Variants in CNTNAP3B observed in about 807,000 individuals in gnomAD.
CNTNAP3B encodes contactin-associated protein-like 3B.
In CNTNAP3B, 25 loss-of-function variants were observed where a neutral mutation model predicts 108.9. The observed-to-expected ratio is 0.23, with a 90% CI of 0.17 to 0.32. CNTNAP3B has a LOEUF of 0.32. Ranked by LOEUF, CNTNAP3B falls within the 10% of genes least tolerant of loss-of-function variation. The pLI is 1.00. For synonymous variants in CNTNAP3B, 103 were observed against 473.4 expected (o/e 0.22, Z 10.16); for missense variants, 252 against 1,210.4 (o/e 0.21, Z 11.75).
chr9:41,925,073 G>C (rs911921945), intron 15 of CNTNAP3B, among the ~76,000 whole-genome samples: 8 of 152,002 alleles, frequency 5.3e-5, no homozygotes, highest in Non-Finnish European at 1.0e-4. Context: ...AGTGGCATTT[G>C]TCCAGTTTCT....
At chr9:41,944,265 A>T (rs1824455065) in intron 13 of CNTNAP3B, among the ~76,000 whole-genome samples, 1 of 148,742 alleles carries the variant, frequency 6.7e-6, no homozygotes, top group African/African-American at 2.5e-5. Context: ...AGCATTAGAG[A>T]AGAAAAAAAT....
At chr9:41,990,752 A>G (rs1825790871) in intron 8 of CNTNAP3B, among the ~76,000 whole-genome samples, 1 of 134,144 alleles carries the variant, frequency 7.5e-6, no homozygotes, top group African/African-American at 3.0e-5. Context: ...CCATCTGCAA[A>G]TCCAATCATC....
In CNTNAP3B at chr9:42,126,927, G is replaced by T. The variant is rs1828584370; in HGVS notation, c.85+2083C>A. Among the ~76,000 whole-genome samples the T allele has an allele frequency of 1.4e-5, 2 of 138,168 alleles. 1 individual carries two copies. Among genetic ancestry groups the T allele is most frequent in the Non-Finnish European group, 3.1e-5 (2 of 64,662 alleles). The allele number at this position is 138,168 out of a possible 152,430, so 90.6% of individuals were successfully genotyped here. A position where few individuals can be genotyped will look rare whatever the true frequency, so the allele number is the denominator to read the frequency against. On this transcript the variant is annotated intron_variant, in intron 1 of 23. Transcript: ENST00000377561. ...GCCATCATCAACAGGCTGCCTTCGT[G>T]GGTGGCCAATGTGCTTCTGGAAAAC...
intron 1 of CNTNAP3B, among the ~76,000 whole-genome samples, chr9:42,120,071 A>T (rs1349402116): frequency 6.6e-6 from 1 of 150,564 alleles, no homozygotes; most frequent in East Asian, 1.9e-4. Flanking sequence ...TTTGCAACCT[A>T]CTCATCTGAC....
At chr9:41,927,529 A>AGGAGAGAAAGAGGGAG (rs1823855005) in intron 15 of CNTNAP3B, among the ~76,000 whole-genome samples, 1 of 148,314 alleles carries the variant, frequency 6.7e-6, no homozygotes, top group Non-Finnish European at 1.5e-5. Context: ...GAGGAAGGGA[A>AGGAGAGAAAGAGGGAG]GGAGAGAAAG....
rs1371189358 is a variant in CNTNAP3B at position 42,126,651 on chromosome 9, C to G, written c.85+2359G>C. Among the ~76,000 whole-genome samples, 12 of 135,298 alleles carry G rather than the reference C, an allele frequency of 8.9e-5. 1 individual carries two copies. Among genetic ancestry groups the G allele is most frequent in the Admixed American group, 8.9e-4 (12 of 13,556 alleles). The allele number at this position is 135,298 out of a possible 152,430, so 88.8% of individuals were successfully genotyped here. ...ATGGTGGGATCTCGGCTCACTGCAA[C>G]CTCCACCTCCCAGGTTCAAGCGATT... On this transcript the variant is annotated intron_variant, in intron 1 of 23. Transcript: ENST00000377561.
chr9:41,966,186 C>T (rs1371332134), intron 10 of CNTNAP3B, among the ~76,000 whole-genome samples: 1 of 152,182 alleles, frequency 6.6e-6, no homozygotes, highest in Non-Finnish European at 1.5e-5. Context: ...CCACATCCTT[C>T]TCCCCCTCCT....
chr9:41,943,856 G>A (rs1472221955), intron 13 of CNTNAP3B, among the ~76,000 whole-genome samples: 2 of 152,386 alleles, frequency 1.3e-5, no homozygotes, highest in African/African-American at 2.4e-5. Context: ...CCACACCTAG[G>A]CATCTCATAT....
intron 15 of CNTNAP3B, among the ~76,000 whole-genome samples, chr9:41,927,843 T>C (rs1381190377): frequency 3.3e-5 from 5 of 150,822 alleles, no homozygotes; most frequent in Non-Finnish European, 4.4e-5. Context: ...AATAATCATA[T>C]TGAATGCATA....
At chr9:42,047,076 C>T (rs917158820) in intron 3 of CNTNAP3B, among the ~76,000 whole-genome samples, 1 of 82,856 alleles carries the variant, frequency 1.2e-5, no homozygotes, top group Non-Finnish European at 2.4e-5. Context: ...TACTGTATTA[C>T]ATTTTAAAAT....
At chr9:41,928,071 A>T (rs1456654220) in intron 15 of CNTNAP3B, among the ~76,000 whole-genome samples, 2 of 152,242 alleles carry the variant, frequency 1.3e-5, no homozygotes, top group Admixed American at 6.5e-5. Flanking sequence ...ATTAACGCTA[A>T]GGCATATTCT....
At chr9:42,030,813 G>GA (rs1156882673) in intron 3 of CNTNAP3B, among the ~76,000 whole-genome samples, 1,500 of 65,754 alleles carry the variant, frequency 0.023, 207 homozygotes, top group South Asian at 0.059. Context: ...GAGAGAGAGA[G>GA]GAGAGAGAGA....
chr9:41,935,484 T>C (rs1316145703), intron 14 of CNTNAP3B, among the ~76,000 whole-genome samples: 2 of 152,288 alleles, frequency 1.3e-5, no homozygotes, highest in Non-Finnish European at 2.9e-5. Flanking sequence ...TTTATGTTCT[T>C]ATGTCTACAC....
chr9:42,055,356 C>G (rs1827046114), intron 3 of CNTNAP3B, among the ~76,000 whole-genome samples: 1 of 138,102 alleles, frequency 7.2e-6, no homozygotes, highest in Non-Finnish European at 1.5e-5. Flanking sequence ...TTACCTTATT[C>G]TTTGATTTTA....
intron 2 of CNTNAP3B, among the ~76,000 whole-genome samples, chr9:42,086,506 G>A (rs1350424484): frequency 2.2e-5 from 3 of 133,604 alleles, no homozygotes; most frequent in South Asian, 2.4e-4. Flanking sequence ...AAGATTCAAT[G>A]CAATCTCAGC....
At chr9:41,928,056 GAAT>G (rs1338632249) in intron 15 of CNTNAP3B, among the ~76,000 whole-genome samples, 1 of 152,146 alleles carries the variant, frequency 6.6e-6, no homozygotes, top group Non-Finnish European at 1.5e-5. Flanking sequence ...AAAAATAACA[GAAT>G]AATTAACGCT....
intron 10 of CNTNAP3B, among the ~76,000 whole-genome samples, chr9:41,967,767 C>T (rs1380741957): frequency 6.6e-6 from 1 of 152,398 alleles, no homozygotes; most frequent in Non-Finnish European, 1.5e-5. Context: ...CTCAGAGGAG[C>T]TAGTCTTCTA....
intron 14 of CNTNAP3B, among the ~76,000 whole-genome samples, chr9:41,932,506 A>AACTTTTT (rs1824007539): frequency 6.7e-6 from 1 of 149,554 alleles, no homozygotes; most frequent in Non-Finnish European, 1.5e-5. Flanking sequence ...TCAACTTTTT[A>AACTTTTT]ACTTTTTTTT....
At position 41,949,113 on chromosome 9, in the gene CNTNAP3B, CAT is replaced by C. The variant is rs1285452189; in HGVS notation, c.2080+4068_2080+4069del. On this transcript the variant is annotated intron_variant, in intron 13 of 23. Coordinates refer to ENST00000377561, the MANE Select transcript of CNTNAP3B (RefSeq NM_001201380.3). Reference sequence around the variant, plus strand: ...TCATATTTCATATTCTAACAAGAAACATATGTAAACAAAAATTTAAAGCACAA... The same window carrying C: ...TCATATTTCATATTCTAACAAGAAACATGTAAACAAAAATTTAAAGCACAA... Among the ~76,000 whole-genome samples the C allele has an allele frequency of 4.4e-5, 4 of 90,324 alleles. 1 individual carries two copies. The highest frequency in any genetic ancestry group is 1.7e-4 in the African/African-American group (4 of 23,640). The allele number at this position is 90,324 out of a possible 152,430, so 59.3% of individuals were successfully genotyped here.
Sources: allele counts gnomAD v4.1 joint callset (sites outside exome capture counted in the v4.1 genomes callset), GRCh38; gene constraint gnomAD v4.1.1; transcripts MANE v1.5; gene names NCBI Gene and HGNC (gene_info 2026-07-23, HGNC 2026-07-21).